Variants in TENM3 observed in about 807,000 individuals in gnomAD.
TENM3 encodes teneurin-3.
TENM3 carries 63 observed loss-of-function variants against 255.1 expected under a neutral mutation model. The observed-to-expected ratio is 0.25, with a 90% CI of 0.20 to 0.30. The LOEUF (loss-of-function observed/expected upper bound fraction) is 0.30. Ranked by LOEUF, TENM3 falls within the 10% of genes least tolerant of loss-of-function variation. TENM3 has a pLI of 1.00. For missense variants in TENM3, 2,929 were observed against 3,461.1 expected (o/e 0.85, Z 3.86); for synonymous variants, 1,306 against 1,322.3 (o/e 0.99, Z 0.27).
At chr4:182,337,005 G>A (rs1445620045) in intron 2 of TENM3, among the ~76,000 whole-genome samples, 2 of 152,086 alleles carry the variant, frequency 1.3e-5, no homozygotes, top group Non-Finnish European at 2.9e-5. Flanking sequence ...AACAGCTGGT[G>A]AGTTCTAGGT....
the TENM3 span, among the ~76,000 whole-genome samples, chr4:181,666,846 T>C: frequency 3.9e-5 from 6 of 152,174 alleles, no homozygotes. Flanking sequence ...TACCTGCACC[T>C]GGGGCAGACA....
chr4:181,585,093 G>T, the TENM3 span, among the ~76,000 whole-genome samples: 3 of 150,776 alleles, frequency 2.0e-5, no homozygotes, highest in Non-Finnish European at 4.4e-5. Flanking sequence ...ATCACTAACT[G>T]CCTTTGTGAC....
At chr4:181,587,505 A>G in the TENM3 span, among the ~76,000 whole-genome samples, 2 of 152,170 alleles carry the variant, frequency 1.3e-5, no homozygotes, top group Admixed American at 1.3e-4. Context: ...TTAGCGCCTG[A>G]TATTTCAGCC....
chr4:182,764,289 C>A (rs1271224861), intron 22 of TENM3, among the ~76,000 whole-genome samples: 1 of 152,320 alleles, frequency 6.6e-6, no homozygotes, highest in African/African-American at 2.4e-5. Context: ...TGTGCTCATT[C>A]ATTCAGTAAG....
intron 1 of TENM3, among the ~76,000 whole-genome samples, chr4:182,310,217 T>A (rs74800125): frequency 6.6e-6 from 1 of 152,050 alleles, no homozygotes; most frequent in African/African-American, 2.4e-5. Flanking sequence ...TTCTTTAAAT[T>A]CTTATTTTTA....
the TENM3 span, among the ~76,000 whole-genome samples, chr4:181,906,993 C>A: frequency 6.6e-6 from 1 of 152,164 alleles, no homozygotes; most frequent in African/African-American, 2.4e-5. Flanking sequence ...ATTCTCCTGC[C>A]TCAGCCTCCC....
At position 182,595,714 on chromosome 4, in the gene TENM3, C is replaced by A. The variant is rs141184454; in HGVS notation, c.512-5210C>A. Among the ~76,000 whole-genome samples the A allele has an allele frequency of 2.5e-3, 384 of 151,398 alleles. 1 individual carries two copies. The highest frequency in any genetic ancestry group is 8.6e-3 in the African/African-American group (353 of 41,266). ...GCATAATTTCTCATAACCATGGTAC[C>A]GAGAATTTAATTTTCAGAAAGATAG... On this transcript the variant is annotated intron_variant, in intron 3 of 27. Transcript: ENST00000511685.
intron 25 of TENM3, among the ~76,000 whole-genome samples, chr4:182,791,969 A>C (rs747122140): frequency 1.2e-4 from 19 of 152,194 alleles, no homozygotes; most frequent in Non-Finnish European, 2.2e-4. Flanking sequence ...TCATGCCTGT[A>C]TTATGACTAA....
At chr4:181,591,348 T>C in the TENM3 span, among the ~76,000 whole-genome samples, 1 of 152,226 alleles carries the variant, frequency 6.6e-6, no homozygotes, top group Non-Finnish European at 1.5e-5. Flanking sequence ...ATACCAAGTC[T>C]ATGACCCATC....
the TENM3 span, among the ~76,000 whole-genome samples, chr4:182,086,942 A>AT: frequency 7.9e-5 from 12 of 152,094 alleles, no homozygotes; most frequent in East Asian, 7.7e-4. Context: ...CTAGACCTTG[A>AT]TTTTTTTTAT....
intron 3 of TENM3, among the ~76,000 whole-genome samples, chr4:182,484,789 T>C (rs1734541365): frequency 6.6e-6 from 1 of 152,152 alleles, no homozygotes; most frequent in Admixed American, 6.5e-5. Flanking sequence ...GCTACTTGAG[T>C]TGATACTATG....
intron 22 of TENM3, among the ~76,000 whole-genome samples, chr4:182,761,425 AAAGAAG>A (rs35440853): frequency 2.6e-5 from 4 of 151,340 alleles, no homozygotes; most frequent in Admixed American, 6.6e-5. Context: ...ATCCCAAAAA[AAAGAAG>A]AAGAATTAGA....
At chr4:182,715,982 C>T (rs369526120) in intron 13 of TENM3, among the ~76,000 whole-genome samples, 18 of 150,470 alleles carry the variant, frequency 1.2e-4, no homozygotes, top group African/African-American at 4.3e-4. Context: ...TTAGGTGGCC[C>T]GTAGCCTTCA....
At chr4:182,542,308 C>T (rs1580879245) in intron 3 of TENM3, among the ~76,000 whole-genome samples, 1 of 152,130 alleles carries the variant, frequency 6.6e-6, no homozygotes, top group East Asian at 1.9e-4. Flanking sequence ...TCTAGGGGAA[C>T]TCTTTAGCAG....
chr4:181,789,247 ATTTTATTTTATTT>A, the TENM3 span, among the ~76,000 whole-genome samples: 4,313 of 147,862 alleles, frequency 0.029, 120 homozygotes, highest in African/African-American at 0.069. Flanking sequence ...ATTTTATTTT[ATTTTATTTTATTT>A]ATTTTATTTT....
upstream of TENM3, among the ~76,000 whole-genome samples, chr4:182,240,535 C>G (rs1436041869): frequency 6.6e-6 from 1 of 152,130 alleles, no homozygotes; most frequent in Non-Finnish European, 1.5e-5. Flanking sequence ...AGATGTAGAC[C>G]ATGTGTCATC....
chr4:182,737,122 C>T, intron 17 of TENM3, 47 bp downstream of exon 17: 2 of 1,564,242 alleles, frequency 1.3e-6, no homozygotes, highest in Non-Finnish European at 1.7e-6. Context: ...TTCTCAAAGC[C>T]AGAACTATCA....
the TENM3 span, among the ~76,000 whole-genome samples, chr4:181,688,851 A>G: frequency 9.8e-5 from 15 of 152,310 alleles, 1 homozygote; most frequent in East Asian, 2.9e-3. Context: ...GAGGAAAAGA[A>G]AATGCCAGAT....
chr4:181,915,828 C>T, the TENM3 span, among the ~76,000 whole-genome samples: 164 of 152,180 alleles, frequency 1.1e-3, no homozygotes, highest in African/African-American at 3.8e-3. Flanking sequence ...AGATTAAACA[C>T]CACGAGTAAC....
Sources: allele counts gnomAD v4.1 joint callset (sites outside exome capture counted in the v4.1 genomes callset), GRCh38; gene constraint gnomAD v4.1.1; transcripts MANE v1.5; gene names NCBI Gene and HGNC (gene_info 2026-07-23, HGNC 2026-07-21).